The following ADCY2 variants were observed in gnomAD, a reference collection of about 807,000 sequenced individuals.
The protein encoded by ADCY2 is adenylate cyclase type 2.
In ADCY2, 31 loss-of-function variants were observed where a neutral mutation model predicts 125.2. The observed-to-expected ratio is 0.25, with a 90% CI of 0.19 to 0.33. The LOEUF (loss-of-function observed/expected upper bound fraction) is 0.33. ADCY2 is among the 10% of genes least tolerant of loss of function. The probability of loss-of-function intolerance (pLI) is 1.00; values close to 1 mark genes in which losing one functional copy is unlikely to be tolerated. For missense variants in ADCY2, 904 were observed against 1,418.2 expected (o/e 0.64, Z 5.82); for synonymous variants, 512 against 548.4 (o/e 0.93, Z 0.93).
Position 7,695,868 on chromosome 5 carries a change from G to C in ADCY2, c.981+5G>C. ...AAGTTTGATCAAATTGCAAAGGTGA[G>C]TATTATGGATTCTTTTCTTCTCTGA... On this transcript the variant is annotated splice_donor_5th_base_variant and intron_variant, in intron 6 of 24. Coordinates refer to ENST00000338316, the MANE Select transcript of ADCY2 (RefSeq NM_020546.3). 1.3e-6 allele frequency: 2 copies of C among 1,585,744 alleles called. No individual in the cohort carries two copies. Among genetic ancestry groups the C allele is most frequent in the East Asian group, 4.5e-5 (2 of 44,368 alleles).
At chr5:7,691,241 G>A (rs1232691526) in intron 5 of ADCY2, 1 of 153,604 alleles carries the variant, frequency 6.5e-6, no homozygotes, top group African/African-American at 2.4e-5. Context: ...CAGGAGCAGG[G>A]CCTCTGTGAA....
chr5:7,420,712 G>A lies in ADCY2; in HGVS notation c.408+5942G>A, dbSNP rs559263878. Among the ~76,000 whole-genome samples the A allele has an allele frequency of 2.6e-5, 4 of 152,262 alleles. No homozygotes were observed. The East Asian group carries it at 7.7e-4, about 29-fold the overall frequency. On this transcript the variant is annotated intron_variant, in intron 2 of 24. Transcript: ENST00000338316. The stretch of plus-strand genomic sequence containing the variant: ...CTGAGTGAAGTCTGCGCAGTAACCT[G>A]CAGAGTTTCTGGCTCCCGGAGTTCG...
chr5:7,418,356 G>A (rs1383295295), intron 2 of ADCY2, among the ~76,000 whole-genome samples: 1 of 152,176 alleles, frequency 6.6e-6, no homozygotes, highest in Non-Finnish European at 1.5e-5. Flanking sequence ...GCCTGGGGAT[G>A]TTTCTGGGAG....
chr5:7,645,374 C>T (rs1579271702), intron 4 of ADCY2, among the ~76,000 whole-genome samples: 1 of 152,104 alleles, frequency 6.6e-6, no homozygotes, highest in African/African-American at 2.4e-5. Context: ...GGCATTTGCA[C>T]CTTCAAAGTC....
At chr5:7,757,307 G>A (rs1397096308) in intron 15 of ADCY2, 142 bp from the exon 16 acceptor site, 1 of 1,046,360 alleles carries the variant, frequency 9.6e-7, no homozygotes, top group Non-Finnish European at 1.4e-6. Flanking sequence ...ACTTCGTATG[G>A]GTCCCCAGGG....
chr5:7,623,790 A>G (rs1379903701), intron 3 of ADCY2, among the ~76,000 whole-genome samples: 1 of 152,176 alleles, frequency 6.6e-6, no homozygotes, highest in African/African-American at 2.4e-5. Context: ...TTACCTGCAT[A>G]TCACCTGCAC....
At chr5:7,650,994 A>T (rs1739067423) in intron 4 of ADCY2, among the ~76,000 whole-genome samples, 1 of 152,032 alleles carries the variant, frequency 6.6e-6, no homozygotes, top group Non-Finnish European at 1.5e-5. Flanking sequence ...TGTGGAGAGG[A>T]ATGCAGCCTG....
intron 2 of ADCY2, among the ~76,000 whole-genome samples, chr5:7,456,768 C>T (rs1262398978): frequency 6.6e-6 from 1 of 152,046 alleles, no homozygotes; most frequent in Non-Finnish European, 1.5e-5. Flanking sequence ...TTCATGTTGC[C>T]CAGCATGTCT....
intron 2 of ADCY2, among the ~76,000 whole-genome samples, chr5:7,520,272 C>T (rs564169880): frequency 6.6e-6 from 1 of 152,266 alleles, no homozygotes; most frequent in East Asian, 1.9e-4. Context: ...GTTACATACC[C>T]GTGCTCTCGG....
At position 7,784,938 on chromosome 5, in the gene ADCY2, G is replaced by C. The variant is rs560085227; in HGVS notation, c.2469+489G>C. ...TTTATTTTGCAATGCAAATGAAACT[G>C]TTCTTCCTTCTTTGGTCCCTCCAAC... On this transcript the variant is annotated intron_variant, in intron 19 of 24. Coordinates refer to ENST00000338316, the MANE Select transcript of ADCY2 (RefSeq NM_020546.3). Among the ~76,000 whole-genome samples, 6 of 152,310 alleles carry C rather than the reference G, an allele frequency of 3.9e-5. No homozygotes were observed. The South Asian group carries it at 1.2e-3, about 32-fold the overall frequency.
At chr5:7,747,643 C>T (rs1742671039) in intron 15 of ADCY2, among the ~76,000 whole-genome samples, 1 of 152,106 alleles carries the variant, frequency 6.6e-6, no homozygotes, top group African/African-American at 2.4e-5. Context: ...TGACGTGCCT[C>T]CAGCTGTCTC....
At chr5:7,566,208 G>A (rs1047869268) in intron 3 of ADCY2, among the ~76,000 whole-genome samples, 8 of 152,288 alleles carry the variant, frequency 5.3e-5, no homozygotes, top group Admixed American at 1.3e-4. Context: ...GGGACACTGC[G>A]CTGGGCGCAG....
chr5:7,602,744 C>A (rs966975021), intron 3 of ADCY2, among the ~76,000 whole-genome samples: 103 of 152,274 alleles, frequency 6.8e-4, no homozygotes, highest in African/African-American at 2.3e-3. Context: ...ATTTGCTTCA[C>A]ACCAAACTCA....
At chr5:7,512,235 A>AAAAAAAAAAAAAAAAAAAAAAAAAAAC (rs1744093617) in intron 2 of ADCY2, among the ~76,000 whole-genome samples, 1 of 150,206 alleles carries the variant, frequency 6.7e-6, no homozygotes, top group Non-Finnish European at 1.5e-5. Context: ...AAAAAAAAAA[A>AAAAAAAAAAAAAAAAAAAAAAAAAAAC]AAAAAGAAAA....
In ADCY2 at chr5:7,613,617, C is replaced by T. The variant is rs540396872; in HGVS notation, c.571-12550C>T. ...CTTTGGTGTGCAAAGTTTTTCTTGG[C>T]GTTTCATCTCATAGGCGTGACTGAC... is the stretch of plus-strand genomic sequence containing the variant. On this transcript the variant is annotated intron_variant, in intron 3 of 24. Transcript: ENST00000338316. Among the ~76,000 whole-genome samples the T allele has an allele frequency of 3.9e-4, 59 of 152,328 alleles. 1 individual carries two copies. The highest frequency in any genetic ancestry group is 1.3e-3 in the African/African-American group (54 of 41,574).
intron 14 of ADCY2, among the ~76,000 whole-genome samples, chr5:7,733,854 C>CA: frequency 6.6e-6 from 1 of 152,302 alleles, no homozygotes; most frequent in South Asian, 2.1e-4. Flanking sequence ...AAGATCATCT[C>CA]TTTTTTCTTT....
At chr5:7,609,331 A>G (rs1430193560) in intron 3 of ADCY2, among the ~76,000 whole-genome samples, 4 of 152,262 alleles carry the variant, frequency 2.6e-5, no homozygotes, top group Non-Finnish European at 4.4e-5. Context: ...ACATTTTAAT[A>G]TAAGCCCATA....
rs145112867 is a variant in ADCY2, at chr5:7,440,846, C to G, written c.408+26076C>G. Among the ~76,000 whole-genome samples the G allele has an allele frequency of 3.2e-3, 491 of 152,220 alleles. 7 individuals carry two copies. Among genetic ancestry groups the G allele is most frequent in the African/African-American group, 0.011 (473 of 41,534 alleles). On this transcript the variant is annotated intron_variant, in intron 2 of 24. Transcript: ENST00000338316. ...AGAGCAGTGTGGCCCAAGAGTTGAG[C>G]AGAAGAGGCAGTCACATGGAGGGTT... is the stretch of plus-strand genomic sequence containing the variant.
chr5:7,573,274 C>A (rs763174160), intron 3 of ADCY2, among the ~76,000 whole-genome samples: 1 of 152,204 alleles, frequency 6.6e-6, no homozygotes, highest in Non-Finnish European at 1.5e-5. Flanking sequence ...TGAAGTGAAG[C>A]TTGTTTTCTT....
Sources: allele counts gnomAD v4.1 joint callset (sites outside exome capture counted in the v4.1 genomes callset), GRCh38; gene constraint gnomAD v4.1.1; transcripts MANE v1.5; gene names NCBI Gene and HGNC (gene_info 2026-07-23, HGNC 2026-07-21).